The following ITPR3 variants were observed in gnomAD, a reference collection of about 807,000 sequenced individuals.
ITPR3 encodes the protein inositol 1,4,5-trisphosphate-gated calcium channel ITPR3.
Under a neutral mutation model 293.2 loss-of-function variants are expected in ITPR3, and 173 were observed. The ratio of observed to expected loss-of-function variants is 0.59; its 90% CI spans 0.52 to 0.67. The LOEUF (loss-of-function observed/expected upper bound fraction) is 0.67, where lower values mean the gene tolerates loss of function less well. Among genes scored for constraint, ITPR3 ranks in the 30% least tolerant of loss-of-function variants. The probability of loss-of-function intolerance (pLI) is 0.00; values close to 1 mark genes in which losing one functional copy is unlikely to be tolerated. For missense variants in ITPR3, 2,796 were observed against 3,592.1 expected, an observed-to-expected ratio of 0.78 and a Z score of 5.66; for synonymous variants, 1,295 against 1,444.4, an observed-to-expected ratio of 0.90 and a Z score of 2.35.
intron 56 of ITPR3, chr6:33,694,559 G>GC: frequency 3.8e-6 from 1 of 264,936 alleles, no homozygotes; most frequent in Non-Finnish European, 7.3e-6. Context: ...AGGCAGGCGG[G>GC]CGGGAGGAAG....
At chr6:33,625,480 C>T (rs921474422) in intron 1 of ITPR3, among the ~76,000 whole-genome samples, 7 of 152,270 alleles carry the variant, frequency 4.6e-5, no homozygotes, top group African/African-American at 1.4e-4. Context: ...CCGCCTGCCT[C>T]GGCCTCCCAA....
Position 33,662,961 on chromosome 6 carries a change from G to A in ITPR3, c.909G>A (p.Leu303=), listed in dbSNP as rs781665559. 2 of 1,604,436 alleles carry A rather than the reference G, an allele frequency of 1.2e-6. No individual in the cohort carries two copies. The highest frequency in any genetic ancestry group is 8.5e-7 in the Non-Finnish European group (1 of 1,175,316). Residue 303 remains leucine, a synonymous_variant, in exon 9 of 58, where the codon TTG becomes TTA. Transcript: ENST00000605930. The part of the protein sequence containing the change: ...CRGGAGHWNG[L]YRFKHLATGN... ...GAGGAGCTGGGCACTGGAATGGCTTGTACCGCTTCAAGCACCTGGCTACAG... is the reference window on the plus strand; with the variant it reads ...GAGGAGCTGGGCACTGGAATGGCTTATACCGCTTCAAGCACCTGGCTACAG...
At chr6:33,676,675 AG>A (rs1426787140) in intron 25 of ITPR3, 92 bp from the exon 26 acceptor site, 1 of 1,463,278 alleles carries the variant, frequency 6.8e-7, no homozygotes, top group Non-Finnish European at 9.4e-7. Flanking sequence ...GGTCTACAGG[AG>A]GGGAACCCTA....
chr6:33,677,092 G>A lies in ITPR3; in HGVS notation c.3522+3G>A. On this transcript the variant is annotated splice_donor_region_variant and intron_variant, in intron 27 of 57. Coordinates refer to ENST00000605930, the MANE Select transcript of ITPR3 (RefSeq NM_002224.4). Reference sequence around the variant, plus strand: ...AGAACTACCAGATCGTCAAGGGCGTGAGTGGCCAAGGGTCCTCGGGGTAGG... The same window carrying A: ...AGAACTACCAGATCGTCAAGGGCGTAAGTGGCCAAGGGTCCTCGGGGTAGG... 1 of 1,613,812 alleles carries A rather than the reference G, an allele frequency of 6.2e-7. No homozygotes were observed. Among genetic ancestry groups the A allele is most frequent in the Non-Finnish European group, 8.5e-7 (1 of 1,179,794 alleles).
At chr6:33,694,580 G>A (rs1390159272) in intron 56 of ITPR3, 2 of 278,238 alleles carry the variant, frequency 7.2e-6, no homozygotes, top group Non-Finnish European at 1.4e-5. Context: ...GAAGGAAGGA[G>A]ATCCAGGGTC....
intron 1 of ITPR3, among the ~76,000 whole-genome samples, chr6:33,629,963 TGCCTGTGGTCCCA>T (rs1763636007): frequency 6.6e-6 from 1 of 151,996 alleles, no homozygotes; most frequent in Non-Finnish European, 1.5e-5. Context: ...TCGTGGCACA[TGCCTGTGGTCCCA>T]GCTACTCGGG....
At position 33,671,239 on chromosome 6, in the gene ITPR3, A is replaced by G. The variant is rs1418692848; in HGVS notation, c.2661A>G (p.Thr887=). The change falls in exon 21 of 58, where the codon ACA becomes ACG. Residue 887 remains threonine (T), a synonymous_variant. Coordinates refer to ENST00000605930, the MANE Select transcript of ITPR3 (RefSeq NM_002224.4). The part of the protein sequence containing the change: ...SFSELLRLTR[T]LLGIIDCVQG... ...GCGAGCTGCTGCGGCTCACTCGCACACTGCTGGGCATCATCGACTGTGTGC... is the reference window on the plus strand; with the variant it reads ...GCGAGCTGCTGCGGCTCACTCGCACGCTGCTGGGCATCATCGACTGTGTGC... The G allele has an allele frequency of 6.2e-7, 1 of 1,613,556 alleles. No homozygotes were observed. The highest frequency in any genetic ancestry group is 8.5e-7 in the Non-Finnish European group (1 of 1,179,990).
chr6:33,657,292 TC>T (rs1321970749), intron 3 of ITPR3, among the ~76,000 whole-genome samples: 46 of 152,168 alleles, frequency 3.0e-4, no homozygotes, highest in Admixed American at 3.0e-3. Context: ...TTAGGCAGCT[TC>T]CAGTCTAACA....
chr6:33,662,457 G>T (rs767333466), intron 7 of ITPR3, 71 bp from the exon 8 acceptor site: 162 of 1,505,558 alleles, frequency 1.1e-4, no homozygotes, highest in Non-Finnish European at 1.4e-4. Context: ...GGCAGGTGGG[G>T]CTGGGCCCTG....
chr6:33,680,153 G>A lies in ITPR3; in HGVS notation c.4224+20G>A. The A allele has an allele frequency of 6.2e-7, 1 of 1,607,442 alleles. No individual in the cohort carries two copies. The highest frequency in any genetic ancestry group is 2.2e-5 in the East Asian group (1 of 44,718). On this transcript the variant is annotated intron_variant, in intron 31 of 57. Coordinates refer to ENST00000605930, the MANE Select transcript of ITPR3 (RefSeq NM_002224.4). Reference sequence around the variant, plus strand: ...ACTGAGGTGGGGATCGGGAGACTGGGCAAGACGGCTGGAGATGGGGCGAAG... The same window carrying A: ...ACTGAGGTGGGGATCGGGAGACTGGACAAGACGGCTGGAGATGGGGCGAAG...
chr6:33,671,132 T>G (rs749080067), intron 20 of ITPR3, 33 bp from the exon 21 acceptor site: 3 of 1,611,442 alleles, frequency 1.9e-6, no homozygotes, highest in African/African-American at 1.3e-5. Context: ...CGCCGGCCCC[T>G]CCCACCTCAC....
intron 7 of ITPR3, among the ~76,000 whole-genome samples, chr6:33,662,013 A>AAAAAAAAAAAAAAAAT (rs1294466535): frequency 6.8e-6 from 1 of 147,908 alleles, no homozygotes; most frequent in East Asian, 2.0e-4. Context: ...AAAAAAAAAA[A>AAAAAAAAAAAAAAAAT]AAAAGACAGG....
rs1765457395 is a variant in ITPR3 at position 33,693,695 on chromosome 6, A to G, written c.7775A>G (p.Gln2592Arg). 1 of 1,614,124 alleles carries G rather than the reference A, an allele frequency of 6.2e-7. No homozygotes were observed. Among genetic ancestry groups the G allele is most frequent in the Non-Finnish European group, 8.5e-7 (1 of 1,179,986 alleles). Reference sequence around the variant, plus strand: ...ACGGGCCCTGAGAGCTACGTGGCCCAGATGATCAAGGTGTGAGCAGGGGCT... The same window carrying G: ...ACGGGCCCTGAGAGCTACGTGGCCCGGATGATCAAGGTGTGAGCAGGGGCT... ...DYTGPESYVA[Q>R]MIKNKNLDWF... is the part of the protein sequence containing the mutation. Residue 2592 changes from glutamine to arginine, a missense_variant, in exon 56 of 58, where the codon CAG (glutamine) becomes CGG (arginine). By Grantham distance (43) the Gln-to-Arg change is conservative. This residue lies in a region of ITPR3 where 568 missense variants were observed against 796.1 expected (regional missense o/e 0.71). Transcript: ENST00000605930.
chr6:33,673,785 G>C (rs1001896122), intron 23 of ITPR3, 65 bp downstream of exon 23: 3 of 1,574,368 alleles, frequency 1.9e-6, no homozygotes, highest in African/African-American at 1.4e-5. Flanking sequence ...CAGCAGTGGG[G>C]TGGAGCCAGC....
At position 33,688,153 on chromosome 6, in the gene ITPR3, A is replaced by G; in HGVS notation, c.6361A>G (p.Thr2121Ala). The change falls in exon 47 of 58, where the codon ACG becomes GCG. Residue 2121 changes from threonine (T) to alanine (A), a missense_variant. Thr to Ala is a moderately conservative substitution (Grantham distance 58). Around this residue, in one of 8 missense-constraint regions of ITPR3, gnomAD observed 568 missense variants for 796.1 expected, o/e 0.71. Transcript: ENST00000605930. ...EDPLAYYENH[T>A]SQIEIVRQDR... is the part of the protein sequence containing the mutation. Reference sequence around the variant, plus strand: ...CCCCCTGGCCTACTATGAGAACCACACGTCCCAGATCGAGGTGGGCCTGTG... The same window carrying G: ...CCCCCTGGCCTACTATGAGAACCACGCGTCCCAGATCGAGGTGGGCCTGTG... The G allele has an allele frequency of 6.2e-7, 1 of 1,614,072 alleles. No individual in the cohort carries two copies. The highest frequency in any genetic ancestry group is 8.5e-7 in the Non-Finnish European group (1 of 1,179,962).
rs1763712107 is a variant in ITPR3, at chr6:33,632,766, CTG to C, written c.90-7717_90-7716del. ...GGCGCACTGCAGGGACTGTTGTCCTCTGGGCTCCTGAGCCTCTGCTGGGCTGG... is the reference window on the plus strand; with the variant it reads ...GGCGCACTGCAGGGACTGTTGTCCTCGGCTCCTGAGCCTCTGCTGGGCTGG... On this transcript the variant is annotated intron_variant, in intron 1 of 57. Transcript: ENST00000605930. This position sits in a 1 kb window ranked among gnomAD's most constrained non-coding sequence, Gnocchi z 4.1. Among the ~76,000 whole-genome samples the C allele has an allele frequency of 6.6e-6, 1 of 152,242 alleles. No homozygotes were observed. Among genetic ancestry groups the C allele is most frequent in the South Asian group, 2.1e-4 (1 of 4,834 alleles).
intron 2 of ITPR3, among the ~76,000 whole-genome samples, chr6:33,641,346 G>C (rs965918272): frequency 1.3e-5 from 2 of 152,230 alleles, no homozygotes; most frequent in Admixed American, 1.3e-4. Flanking sequence ...CTGCCACCAA[G>C]TCTGCCCGCG....
At position 33,678,331 on chromosome 6, in the gene ITPR3, C is replaced by G; in HGVS notation, c.3649-90C>G. On this transcript the variant is annotated intron_variant, in intron 28 of 57. Coordinates refer to ENST00000605930, the MANE Select transcript of ITPR3 (RefSeq NM_002224.4). ...CTCTTCACGGTCCCAGTCCCAAGCC[C>G]GACCCACCCCTGCTCCTGTCAGAGC... The G allele has an allele frequency of 3.2e-6, 5 of 1,550,650 alleles. No homozygotes were observed. The South Asian group carries it at 4.8e-5, about 15-fold the overall frequency.
rs1008210491 is a variant in ITPR3, at chr6:33,670,176, G to C, written c.2190-149G>C. On this transcript the variant is annotated intron_variant, in intron 18 of 57. Coordinates refer to ENST00000605930, the MANE Select transcript of ITPR3 (RefSeq NM_002224.4). This position sits in a 1 kb window ranked among gnomAD's most constrained non-coding sequence, Gnocchi z 6.7. ...ACTGGTTATCACAGACAGGTTTTCCGTTCACCTTTCTAACTCAGAATTGCA... is the reference window on the plus strand; with the variant it reads ...ACTGGTTATCACAGACAGGTTTTCCCTTCACCTTTCTAACTCAGAATTGCA... 37 of 822,474 alleles carry C rather than the reference G, an allele frequency of 4.5e-5. No individual in the cohort carries two copies. In the Admixed American group the frequency reaches 8.7e-4, roughly 19 times the overall value. The allele number at this position is 822,474 out of a possible 1,614,324, so 50.9% of individuals were successfully genotyped here.
Sources: allele counts gnomAD v4.1 joint callset (sites outside exome capture counted in the v4.1 genomes callset), GRCh38; gene constraint gnomAD v4.1.1; regional missense constraint gnomAD v4.1.1; non-coding constraint Gnocchi (gnomAD v3.1); transcripts MANE v1.5; gene names NCBI Gene and HGNC (gene_info 2026-07-23, HGNC 2026-07-21).